ERCC2: variants seen among roughly 807,000 people sequenced by gnomAD.
The protein encoded by ERCC2 is ERCC excision repair 2, TFIIH core complex helicase subunit.
In ERCC2, 90 loss-of-function variants were observed where a neutral mutation model predicts 99.4. The observed-to-expected ratio is 0.91, with a 90% CI of 0.76 to 1.08. ERCC2 has a LOEUF of 1.08. Among genes scored for constraint, ERCC2 ranks in the 50% least tolerant of loss-of-function variants. The probability of loss-of-function intolerance (pLI) is 0.00; values close to 1 mark genes in which losing one functional copy is unlikely to be tolerated. For missense variants in ERCC2, 993 were observed against 1,038.1 expected, an observed-to-expected ratio of 0.96 and a Z score of 0.60; for synonymous variants, 497 against 432.4, an observed-to-expected ratio of 1.15 and a Z score of -1.85.
chr19:45,352,948 A>C, intron 19 of ERCC2, 132 bp from the exon 20 acceptor site: 1 of 1,217,578 alleles, frequency 8.2e-7, no homozygotes, highest in Non-Finnish European at 1.2e-6. Flanking sequence ...GCCTAGGGAC[A>C]GAGGGGAGGG....
intron 11 of ERCC2, 26 bp from the exon 12 acceptor site, chr19:45,361,668 G>C (rs1388758924): frequency 6.5e-7 from 1 of 1,528,212 alleles, no homozygotes; most frequent in African/African-American, 1.4e-5. Flanking sequence ...GACGGGGTCG[G>C]GGGGCAGACG....
Position 45,370,324 on chromosome 19 carries a change from G to A in ERCC2, c.6-92C>T, listed in dbSNP as rs936721960. 6 of 1,555,964 alleles carry A rather than the reference G, an allele frequency of 3.9e-6. No homozygotes were observed. In the Admixed American group the frequency reaches 9.5e-5, roughly 25 times the overall value. On this transcript the variant is annotated intron_variant, in intron 1 of 22. Coordinates refer to ENST00000391945, the MANE Select transcript of ERCC2 (RefSeq NM_000400.4). ...GTCGTCGAGCCCAGAGAAGGGTGAC[G>A]GGCCCGGCGCCCCCGGTAACCCTCA...
intron 12 of ERCC2, chr19:45,358,397 GC>G: frequency 4.8e-6 from 1 of 207,126 alleles, no homozygotes; most frequent in Non-Finnish European, 9.9e-6. Context: ...TTCGCCCACT[GC>G]CCCCGACCCC....
intron 16 of ERCC2, among the ~76,000 whole-genome samples, chr19:45,355,238 T>G (rs1719571207): frequency 6.6e-6 from 1 of 152,162 alleles, no homozygotes; most frequent in East Asian, 1.9e-4. Context: ...AGGCCTGTAA[T>G]CCCAGCTACT....
Position 45,350,648 on chromosome 19 carries a change from G to A in ERCC2, c.*981C>T, listed in dbSNP as rs369584425. ...TCCCCGGCCCCTCCCCAGGCCCTTC[G>A]CCGCAGCAGCTCACTCTCCAAGATC... On this transcript the variant is annotated 3_prime_UTR_variant, in exon 23 of 23. Transcript: ENST00000391945. The A allele has an allele frequency of 2.3e-5, 37 of 1,613,180 alleles. No homozygotes were observed. Among genetic ancestry groups the A allele is most frequent in the Admixed American group, 1.5e-4 (9 of 59,942 alleles).
Position 45,350,424 on chromosome 19 carries a change from C to T in ERCC2, c.*1205G>A. On this transcript the variant is annotated 3_prime_UTR_variant, in exon 23 of 23. Coordinates refer to ENST00000391945, the MANE Select transcript of ERCC2 (RefSeq NM_000400.4). ...TCCTCCACAAGGAGGACCTACCCGC[C>T]CCTCTCGGTGAGCCCCTAGCCCCTG... 2 of 1,613,772 alleles carry T rather than the reference C, an allele frequency of 1.2e-6. No homozygotes were observed. The highest frequency in any genetic ancestry group is 1.3e-5 in the African/African-American group (1 of 74,972).
chr19:45,349,948 T>G lies in ERCC2; in HGVS notation c.*1681A>C. The stretch of plus-strand genomic sequence containing the variant: ...ATGAGGTGGGAGCTGTCGCTCCACT[T>G]TGCGTGTGGGAAGACTGAGGCACCG... On this transcript the variant is annotated 3_prime_UTR_variant, in exon 23 of 23. Transcript: ENST00000391945. The G allele has an allele frequency of 2.4e-6, 1 of 408,956 alleles. No homozygotes were observed. The highest frequency in any genetic ancestry group is 4.4e-6 in the Non-Finnish European group (1 of 226,734). 25.3% of individuals were successfully genotyped at this position (408,956 alleles called of 1,614,324 possible).
chr19:45,359,224 A>AGGAAGATGAGGAAGGATGATCCAGGT (rs1972123869), intron 12 of ERCC2, among the ~76,000 whole-genome samples: 1 of 152,156 alleles, frequency 6.6e-6, no homozygotes, highest in Non-Finnish European at 1.5e-5. Context: ...TTGGGGGATG[A>AGGAAGATGAGGAAGGATGATCCAGGT]GGAAGATGAG....
At chr19:45,354,349 G>C (rs2123235363) in intron 17 of ERCC2, among the ~76,000 whole-genome samples, 1 of 152,330 alleles carries the variant, frequency 6.6e-6, no homozygotes, top group Non-Finnish European at 1.5e-5. Context: ...TAATTCTCTA[G>C]AATTCCTCTA....
At position 45,351,300 on chromosome 19, in the gene ERCC2, C is replaced by T. The variant is rs754989575; in HGVS notation, c.*329G>A. On this transcript the variant is annotated 3_prime_UTR_variant, in exon 23 of 23. Coordinates refer to ENST00000391945, the MANE Select transcript of ERCC2 (RefSeq NM_000400.4). The stretch of plus-strand genomic sequence containing the variant: ...CCTGTCTCCAGTTTCCCAGCTGGCA[C>T]CTGGACAAGGCCCCTCGGACCCTCA... The T allele has an allele frequency of 1.8e-5, 29 of 1,612,692 alleles. No individual in the cohort carries two copies. Among genetic ancestry groups the T allele is most frequent in the Non-Finnish European group, 2.4e-5 (28 of 1,179,990 alleles).
rs1972092474 is a variant in ERCC2, at chr19:45,358,517, C to T, written c.1238-818G>A. On this transcript the variant is annotated intron_variant, in intron 12 of 22. Transcript: ENST00000391945. The stretch of plus-strand genomic sequence containing the variant: ...CCTGAGTCCCTGAGTCCAGCCATGT[C>T]ACCTCCCCGCCCCAAGAAGCCTCCC... The T allele has an allele frequency of 3.8e-5, 14 of 365,654 alleles. No homozygotes were observed. The Admixed American group carries it at 5.7e-4, about 15-fold the overall frequency. 22.7% of individuals were successfully genotyped at this position (365,654 alleles called of 1,614,324 possible). A position where few individuals can be genotyped will look rare whatever the true frequency, so the allele number is the denominator to read the frequency against.
intron 12 of ERCC2, among the ~76,000 whole-genome samples, chr19:45,360,810 C>T (rs931786884): frequency 1.2e-4 from 18 of 152,036 alleles, no homozygotes; most frequent in African/African-American, 2.9e-4. Context: ...TGAGCCACTG[C>T]GTTCAGCACC....
In ERCC2 at chr19:45,350,581, G is replaced by C. The variant is rs749304819; in HGVS notation, c.*1048C>G. 1 of 1,613,892 alleles carries C rather than the reference G, an allele frequency of 6.2e-7. No homozygotes were observed. The highest frequency in any genetic ancestry group is 1.1e-5 in the South Asian group (1 of 91,066). On this transcript the variant is annotated 3_prime_UTR_variant, in exon 23 of 23. Coordinates refer to ENST00000391945, the MANE Select transcript of ERCC2 (RefSeq NM_000400.4). ...GGATGGGCTGTGCTTCGGCTCCTGG[G>C]GTGGGCGTGGGGACTGCATGGGCCT... is the stretch of plus-strand genomic sequence containing the variant.
chr19:45,357,419 A>AG (rs1972048998), intron 14 of ERCC2, 48 bp from the exon 15 acceptor site: 1 of 1,608,748 alleles, frequency 6.2e-7, no homozygotes, highest in Non-Finnish European at 8.5e-7. Flanking sequence ...GGCAGGGACC[A>AG]GGAGGCCCAT....
chr19:45,366,992 G>A (rs1050315116), intron 5 of ERCC2, among the ~76,000 whole-genome samples: 1 of 151,960 alleles, frequency 6.6e-6, no homozygotes, highest in Non-Finnish European at 1.5e-5. Context: ...CCGAGATCAC[G>A]CCACTGCACT....
intron 11 of ERCC2, 44 bp from the exon 12 acceptor site, chr19:45,361,686 G>C: frequency 1.4e-6 from 2 of 1,395,584 alleles, no homozygotes; most frequent in Non-Finnish European, 2.0e-6. Context: ...ACGGAAGCAT[G>C]AGCAGGACCA....
chr19:45,355,813 G>C, intron 15 of ERCC2, 85 bp from the exon 16 acceptor site: 3 of 827,046 alleles, frequency 3.6e-6, no homozygotes, highest in Non-Finnish European at 3.8e-6. Context: ...GCTGTTCTAA[G>C]CTTTTTTTTT....
rs1365092998 is a variant in ERCC2 at position 45,364,820 on chromosome 19, T to C, written c.594+18A>G. The C allele has an allele frequency of 4.4e-6, 7 of 1,588,540 alleles. No individual in the cohort carries two copies. Among genetic ancestry groups the C allele is most frequent in the Admixed American group, 1.7e-5 (1 of 59,974 alleles). On this transcript the variant is annotated intron_variant, in intron 7 of 22. Coordinates refer to ENST00000391945, the MANE Select transcript of ERCC2 (RefSeq NM_000400.4). ...ACCCTCACACTCGCCCCTCTGCCCA[T>C]CCCACCAGCCTCCTCACTGAGTATC...
chr19:45,369,223 G>A (rs780144525), intron 2 of ERCC2, 76 bp from the exon 3 acceptor site: 16 of 1,140,410 alleles, frequency 1.4e-5, no homozygotes, highest in South Asian at 1.2e-4. Flanking sequence ...GACTCTCCCC[G>A]ACCCCCAATG....
Sources: allele counts gnomAD v4.1 joint callset (sites outside exome capture counted in the v4.1 genomes callset), GRCh38; gene constraint gnomAD v4.1.1; transcripts MANE v1.5; gene names NCBI Gene and HGNC (gene_info 2026-07-23, HGNC 2026-07-21).